CEP104: variants seen among roughly 807,000 people sequenced by gnomAD.
CEP104 encodes centrosomal protein of 104 kDa.
A neutral mutation model predicts 113.3 loss-of-function variants in CEP104; 84 were observed. That is an observed-to-expected ratio of 0.74 (90% CI 0.62 to 0.89). The LOEUF is 0.89. CEP104 is among the 40% of genes least tolerant of loss of function. The pLI, the probability that CEP104 is intolerant of heterozygous loss-of-function variation, is 0.00. For missense variants in CEP104, 1,053 were observed against 1,156.6 expected (o/e 0.91, Z 1.30); for synonymous variants, 378 against 421.7 (o/e 0.90, Z 1.27).
chr1:3,850,516 C>G (rs1309918897), intron 2 of CEP104, among the ~76,000 whole-genome samples: 3 of 152,196 alleles, frequency 2.0e-5, no homozygotes, highest in African/African-American at 7.2e-5. Context: ...CACTGGGGGT[C>G]TCCCTATATC....
chr1:3,844,745 G>A (rs1297289479), intron 6 of CEP104, among the ~76,000 whole-genome samples, 162 bp downstream of exon 6: 6 of 148,054 alleles, frequency 4.1e-5, no homozygotes, highest in Admixed American at 6.8e-5. Flanking sequence ...ATAAAACAGC[G>A]ACCTTAATCT....
chr1:3,815,547 G>C (rs1378849497), intron 21 of CEP104, 30 bp from the exon 22 acceptor site: 1 of 1,487,450 alleles, frequency 6.7e-7, no homozygotes, highest in East Asian at 2.3e-5. Context: ...CCTGCATTAG[G>C]AGGGGCACTC....
At chr1:3,838,298 G>C (rs920930331) in intron 8 of CEP104, among the ~76,000 whole-genome samples, 1 of 152,184 alleles carries the variant, frequency 6.6e-6, no homozygotes, top group Admixed American at 6.5e-5. Context: ...GACTACAGGT[G>C]TGTGCCACCA....
intron 12 of CEP104, among the ~76,000 whole-genome samples, chr1:3,832,727 C>T (rs146208112): frequency 1.3e-5 from 2 of 152,336 alleles, no homozygotes; most frequent in African/African-American, 4.8e-5. Context: ...CTCTGTCACC[C>T]AGGCTAGAGT....
At chr1:3,856,022 T>G in intron 1 of CEP104, 1 of 835,094 alleles carries the variant, frequency 1.2e-6, no homozygotes, top group East Asian at 1.2e-4. Flanking sequence ...AAAAGGCAAT[T>G]AACTATAAAT....
intron 6 of CEP104, chr1:3,843,402 G>A: frequency 1.9e-6 from 1 of 523,064 alleles, no homozygotes; most frequent in Non-Finnish European, 3.4e-6. Context: ...TTTGAGACAG[G>A]GTCTCACTCT....
intron 1 of CEP104, among the ~76,000 whole-genome samples, chr1:3,852,750 G>T (rs1311882773): frequency 6.6e-6 from 1 of 152,224 alleles, no homozygotes; most frequent in Non-Finnish European, 1.5e-5. Context: ...TGAAAATAGG[G>T]TCTCTGTGGG....
rs931613321 is a variant in CEP104 at position 3,822,978 on chromosome 1, G to A, written c.2571+196C>T. 46 of 613,028 alleles carry A rather than the reference G, an allele frequency of 7.5e-5. 1 individual carries two copies. The South Asian group carries it at 8.3e-4, about 11-fold the overall frequency. 38.0% of individuals were successfully genotyped at this position (613,028 alleles called of 1,614,324 possible). ...CTCGATAAACCATTCATAAATGTACGGAAGGAAATCATGTGAACACGTAGG... is the reference window on the plus strand; with the variant it reads ...CTCGATAAACCATTCATAAATGTACAGAAGGAAATCATGTGAACACGTAGG... On this transcript the variant is annotated intron_variant, in intron 20 of 21. Coordinates refer to ENST00000378230, the MANE Select transcript of CEP104 (RefSeq NM_014704.4).
At chr1:3,834,889 T>C (rs1182010705) in intron 11 of CEP104, 36 bp downstream of exon 11, 3 of 1,549,284 alleles carry the variant, frequency 1.9e-6, no homozygotes, top group Admixed American at 2.0e-5. Context: ...ATCTCATCCA[T>C]GCACGCTGGA....
Position 3,829,932 on chromosome 1 carries a change from C to CA in CEP104, c.1901dup (p.Leu634PhefsTer33), listed in dbSNP as rs1411591918. 6.2e-7 allele frequency: 1 copy of CA among 1,614,130 alleles called. No individual in the cohort carries two copies. Among genetic ancestry groups the CA allele is most frequent in the Non-Finnish European group, 8.5e-7 (1 of 1,180,014 alleles). ...AAGCCTGGTGCTGTCTGTACATGTC[C>CA]AAAATAATTCGAACCGCCGTCTCGC... is the stretch of plus-strand genomic sequence containing the variant. On this transcript the variant is annotated frameshift_variant, in exon 14 of 22. Transcript: ENST00000378230. LOFTEE classifies it high-confidence loss of function.
At chr1:3,832,869 T>C (rs946976737) in intron 12 of CEP104, among the ~76,000 whole-genome samples, 1 of 151,948 alleles carries the variant, frequency 6.6e-6, no homozygotes, top group Non-Finnish European at 1.5e-5. Context: ...TTTGCAGAGA[T>C]AGAGTCTCAC....
In CEP104 at chr1:3,825,764, G is replaced by A; in HGVS notation, c.2358C>T (p.Cys786=). ...HCLMLTRCDH[C]KQVVEISSLT... is the part of the protein sequence containing the mutation. ...GCTGTGCCGCTGGCCTGACCTGTTT[G>A]CAGTGGTCACATCTTGTCAGCATGA... is the stretch of plus-strand genomic sequence containing the variant. The change falls in exon 18 of 22, where the codon TGC becomes TGT. Residue 786 remains cysteine, a synonymous_variant. Coordinates refer to ENST00000378230, the MANE Select transcript of CEP104 (RefSeq NM_014704.4). 6.2e-7 allele frequency: 1 copy of A among 1,608,374 alleles called. No homozygotes were observed. The highest frequency in any genetic ancestry group is 8.5e-7 in the Non-Finnish European group (1 of 1,174,778).
chr1:3,842,965 T>C, intron 6 of CEP104: 2 of 347,604 alleles, frequency 5.8e-6, no homozygotes, highest in African/African-American at 2.1e-5. Flanking sequence ...TTTTTGTGTT[T>C]TTATTAGAGA....
At chr1:3,856,686 TACGG>T (rs1644737912) in intron 1 of CEP104, among the ~76,000 whole-genome samples, 199 bp downstream of exon 1, 1 of 152,136 alleles carries the variant, frequency 6.6e-6, no homozygotes, top group African/African-American at 2.4e-5. Flanking sequence ...CTCCCCGGCA[TACGG>T]CACGACGGGG....
At chr1:3,855,171 C>A (rs1570867633) in intron 1 of CEP104, among the ~76,000 whole-genome samples, 1 of 115,112 alleles carries the variant, frequency 8.7e-6, no homozygotes, top group Non-Finnish European at 1.8e-5. Flanking sequence ...AAGCCCAGCC[C>A]CGATTTTTTT....
rs751734367 is a variant in CEP104, at chr1:3,825,835, AT to A, written c.2286del (p.Glu762AspfsTer19). 27 of 1,613,550 alleles carry A rather than the reference AT, an allele frequency of 1.7e-5. No individual in the cohort carries two copies. Among genetic ancestry groups the A allele is most frequent in the Non-Finnish European group, 2.2e-5 (26 of 1,179,450 alleles). On this transcript the variant is annotated frameshift_variant, in exon 18 of 22. Coordinates refer to ENST00000378230, the MANE Select transcript of CEP104 (RefSeq NM_014704.4). LOFTEE classifies it high-confidence loss of function. ...NLCIFCGERS[E>X]SFTEEGLDLH... ...AGATCCAGACCTTCCTCTGTGAAGG[AT>A]TCACTCCTTTCCCCACAAAAAATAC...
chr1:3,842,228 C>T (rs914920468), intron 6 of CEP104, among the ~76,000 whole-genome samples: 6 of 152,290 alleles, frequency 3.9e-5, no homozygotes, highest in Non-Finnish European at 4.4e-5. Context: ...TACAGGTGCC[C>T]GCCACCACGC....
intron 13 of CEP104, 86 bp from the exon 14 acceptor site, chr1:3,830,083 T>G (rs1179188218): frequency 1.0e-6 from 1 of 975,966 alleles, no homozygotes; most frequent in East Asian, 2.5e-5. Context: ...TATAAACATG[T>G]GAAAAATAAA....
Position 3,823,302 on chromosome 1 carries a change from T to G in CEP104, c.2504-61A>C. On this transcript the variant is annotated intron_variant, in intron 19 of 21. Transcript: ENST00000378230. This position sits in a 1 kb window ranked among gnomAD's most constrained non-coding sequence, Gnocchi z 4.1. ...AATGACAGGCGACAAGACATGCTGC[T>G]GGCCTGCCCGCAGGTGCCCTTTAAT... 1 of 1,605,560 alleles carries G rather than the reference T, an allele frequency of 6.2e-7. No individual in the cohort carries two copies. Among genetic ancestry groups the G allele is most frequent in the Non-Finnish European group, 8.5e-7 (1 of 1,172,154 alleles).
Sources: gnomAD v4.1 joint callset for allele counts (sites outside exome capture counted in the v4.1 genomes callset) on GRCh38, gnomAD v4.1.1 for gene constraint, Gnocchi (gnomAD v3.1) non-coding constraint, MANE v1.5 for transcripts, NCBI Gene and HGNC (gene_info 2026-07-23, HGNC 2026-07-21) for gene names.